The following STAU2 variants were observed in gnomAD, a reference collection of about 807,000 sequenced individuals.
STAU2 encodes the protein double-stranded RNA-binding protein Staufen homolog 2.
In STAU2, 20 loss-of-function variants were observed where a neutral mutation model predicts 65.9. The observed-to-expected ratio is 0.30, with a 90% CI of 0.21 to 0.44. The LOEUF is 0.44. Among genes scored for constraint, STAU2 ranks in the 20% least tolerant of loss-of-function variants. The pLI, the probability that STAU2 is intolerant of heterozygous loss-of-function variation, is 1.00. For synonymous variants in STAU2, 232 were observed against 233.9 expected (o/e 0.99, Z 0.07); for missense variants, 558 against 683.9 (o/e 0.82, Z 2.05).
chr8:73,535,195 A>G (rs900633438), intron 13 of STAU2, among the ~76,000 whole-genome samples: 4 of 151,910 alleles, frequency 2.6e-5, no homozygotes, highest in African/African-American at 9.7e-5. Context: ...TTTGAGACGG[A>G]GTCTCACTCT....
At chr8:73,594,104 TGTTAA>T (rs1418585994) in intron 11 of STAU2, among the ~76,000 whole-genome samples, 1 of 152,192 alleles carries the variant, frequency 6.6e-6, no homozygotes, top group Non-Finnish European at 1.5e-5. Flanking sequence ...AATATAAATG[TGTTAA>T]GTTAAAACAA....
chr8:73,741,687 A>G (rs1806894103), intron 1 of STAU2, among the ~76,000 whole-genome samples: 2 of 151,822 alleles, frequency 1.3e-5, no homozygotes, highest in African/African-American at 4.8e-5. Flanking sequence ...TAATTTTTGT[A>G]TTTTTTGTAG....
At chr8:73,715,261 G>A (rs948177978) in intron 3 of STAU2, among the ~76,000 whole-genome samples, 10 of 151,730 alleles carry the variant, frequency 6.6e-5, no homozygotes, top group Non-Finnish European at 1.0e-4. Context: ...CATGGTGAAA[G>A]CCTGGCCAAC....
intron 13 of STAU2, among the ~76,000 whole-genome samples, chr8:73,464,605 C>T (rs3032930): frequency 0.51 from 65,563 of 128,334 alleles, 14,910 homozygotes; most frequent in East Asian, 0.57. Context: ...CACGCGCACA[C>T]ACACACACAC....
chr8:73,692,783 A>G (rs1819418560), intron 4 of STAU2, among the ~76,000 whole-genome samples: 1 of 152,188 alleles, frequency 6.6e-6, no homozygotes, highest in Non-Finnish European at 1.5e-5. Context: ...ATTTAGTTAA[A>G]TAGTAGGACA....
rs56772774 is a variant in STAU2 at position 73,533,150 on chromosome 8, A to C, written c.1530+18862T>G. 3.6e-3 allele frequency among the ~76,000 whole-genome samples: 550 copies of C among 152,280 alleles called. 3 individuals carry two copies. The highest frequency in any genetic ancestry group is 0.013 in the African/African-American group (523 of 41,548). On this transcript the variant is annotated intron_variant, in intron 13 of 14. Transcript: ENST00000524300. ...AACAGTTTAAGATTTATTATTTATA[A>C]ATTAAATCATTTTGCTGCCTTTGGT...
At chr8:73,663,408 C>G (rs1483137861) in intron 6 of STAU2, among the ~76,000 whole-genome samples, 3 of 152,136 alleles carry the variant, frequency 2.0e-5, no homozygotes, top group African/African-American at 7.2e-5. Context: ...TATAGTTTGC[C>G]AACTGCTGTT....
intron 13 of STAU2, among the ~76,000 whole-genome samples, chr8:73,546,528 G>C (rs1018517739): frequency 6.6e-6 from 1 of 152,182 alleles, no homozygotes; most frequent in Non-Finnish European, 1.5e-5. Context: ...TATGGGATAT[G>C]TGAGTCCATC....
chr8:73,432,462 A>G (rs992842155), intron 13 of STAU2, among the ~76,000 whole-genome samples: 12 of 152,212 alleles, frequency 7.9e-5, no homozygotes, highest in Admixed American at 5.9e-4. Flanking sequence ...TTTATTGTCC[A>G]AAGTATGTCA....
At chr8:73,457,754 T>C (rs1374587070) in intron 13 of STAU2, among the ~76,000 whole-genome samples, 1 of 152,234 alleles carries the variant, frequency 6.6e-6, no homozygotes, top group African/African-American at 2.4e-5. Context: ...ATAATTTCCA[T>C]CAGGATAGGC....
intron 3 of STAU2, among the ~76,000 whole-genome samples, chr8:73,711,904 A>T (rs577741862): frequency 1.6e-4 from 25 of 152,262 alleles, no homozygotes; most frequent in African/African-American, 5.8e-4. Flanking sequence ...AATTAGTCAT[A>T]GTTGTTTTAT....
At chr8:73,556,458 T>C (rs937782655) in intron 12 of STAU2, among the ~76,000 whole-genome samples, 4 of 151,924 alleles carry the variant, frequency 2.6e-5, no homozygotes, top group African/African-American at 9.7e-5. Flanking sequence ...TATTGGAAAT[T>C]ACTATAAAAA....
intron 9 of STAU2, among the ~76,000 whole-genome samples, chr8:73,611,136 C>T (rs910400519): frequency 2.0e-5 from 3 of 152,070 alleles, no homozygotes; most frequent in Admixed American, 6.6e-5. Flanking sequence ...ATAAGCCATA[C>T]AAGGAAGTGA....
intron 13 of STAU2, among the ~76,000 whole-genome samples, chr8:73,470,796 C>A (rs1311763903): frequency 1.4e-5 from 2 of 146,030 alleles, no homozygotes; most frequent in African/African-American, 5.1e-5. Context: ...AGAGTGAGAT[C>A]CTGCCTCTAA....
rs1812772067 is a variant in STAU2 at position 73,615,563 on chromosome 8, T to C, written c.678+112A>G. The C allele has an allele frequency of 4.6e-5, 34 of 742,394 alleles. No individual in the cohort carries two copies. In the South Asian group the frequency reaches 5.5e-4, roughly 12 times the overall value. 46.0% of individuals were successfully genotyped at this position (742,394 alleles called of 1,614,324 possible). A position where few individuals can be genotyped will look rare whatever the true frequency, so the allele number is the denominator to read the frequency against. ...CATTTCATAATACTGGGTTTGAACA[T>C]ATAGAAGCACACTAACTCTTGCAGG... On this transcript the variant is annotated intron_variant, in intron 8 of 14. Coordinates refer to ENST00000524300, the MANE Select transcript of STAU2 (RefSeq NM_001164380.2).
intron 3 of STAU2, among the ~76,000 whole-genome samples, chr8:73,712,781 C>T (rs950128582): frequency 2.6e-5 from 4 of 151,954 alleles, no homozygotes; most frequent in Non-Finnish European, 5.9e-5. Context: ...ATAGCGAGAC[C>T]TCATCTCTAC....
At chr8:73,507,559 T>G (rs1822137278) in intron 13 of STAU2, among the ~76,000 whole-genome samples, 1 of 152,228 alleles carries the variant, frequency 6.6e-6, no homozygotes, top group Non-Finnish European at 1.5e-5. Flanking sequence ...AGATTTAGCC[T>G]AATTCTTAAA....
intron 6 of STAU2, among the ~76,000 whole-genome samples, chr8:73,639,752 T>C (rs1814818321): frequency 6.6e-6 from 1 of 152,160 alleles, no homozygotes. Flanking sequence ...TTTGATATTA[T>C]TTTTATCTCT....
chr8:73,670,425 C>G (rs893329484), intron 6 of STAU2: 1 of 151,806 alleles, frequency 6.6e-6, no homozygotes. Flanking sequence ...TTCCACACCT[C>G]GTGGACAAGG....
Sources: allele counts gnomAD v4.1 joint callset (sites outside exome capture counted in the v4.1 genomes callset), GRCh38; gene constraint gnomAD v4.1.1; transcripts MANE v1.5; gene names NCBI Gene and HGNC (gene_info 2026-07-23, HGNC 2026-07-21).